Variants in SSH2 observed in about 807,000 individuals in gnomAD.
SSH2 encodes slingshot protein phosphatase 2.
SSH2 carries 37 observed loss-of-function variants against 135.2 expected under a neutral mutation model. The observed-to-expected ratio is 0.27, with a 90% CI of 0.21 to 0.36. The LOEUF (loss-of-function observed/expected upper bound fraction) is 0.36. Among genes scored for constraint, SSH2 ranks in the 10% least tolerant of loss-of-function variants. The probability of loss-of-function intolerance (pLI) is 1.00; values close to 1 mark genes in which losing one functional copy is unlikely to be tolerated. For missense variants in SSH2, 1,408 were observed against 1,765.3 expected (o/e 0.80, Z 3.63); for synonymous variants, 628 against 646.2 (o/e 0.97, Z 0.43).
At chr17:29,915,443 T>A (rs1471424333) in intron 1 of SSH2, among the ~76,000 whole-genome samples, 1 of 152,196 alleles carries the variant, frequency 6.6e-6, no homozygotes, top group African/African-American at 2.4e-5. Context: ...TGTCTTTGGA[T>A]CTCCATATTT....
At chr17:29,924,366 A>C (rs1462321128) in intron 1 of SSH2, among the ~76,000 whole-genome samples, 1 of 152,222 alleles carries the variant, frequency 6.6e-6, no homozygotes, top group Non-Finnish European at 1.5e-5. Context: ...GTATATGTAA[A>C]TTGATTTACC....
intron 1 of SSH2, among the ~76,000 whole-genome samples, chr17:29,900,579 A>T (rs1428759720): frequency 6.6e-6 from 1 of 152,238 alleles, no homozygotes; most frequent in Non-Finnish European, 1.5e-5. Flanking sequence ...CCACAATGAG[A>T]TACCATCTCA....
At chr17:29,761,871 G>GTATA (rs1194445461) in intron 3 of SSH2, among the ~76,000 whole-genome samples, 2 of 98,738 alleles carry the variant, frequency 2.0e-5, no homozygotes, top group African/African-American at 8.7e-5. Context: ...GTGTGTGTGT[G>GTATA]TATATATATA....
chr17:29,770,076 A>C (rs2041536337), intron 3 of SSH2, among the ~76,000 whole-genome samples: 1 of 137,366 alleles, frequency 7.3e-6, no homozygotes. Flanking sequence ...TTCAAAACAA[A>C]TTTTTGCTAT....
In SSH2 at chr17:29,641,819, G is replaced by C. The variant is rs890248935; in HGVS notation, c.1428-5017C>G. 4 of 152,052 alleles carry C rather than the reference G, an allele frequency of 2.6e-5. No homozygotes were observed. In the East Asian group the frequency reaches 7.7e-4, roughly 29 times the overall value. 9.4% of individuals were successfully genotyped at this position (152,052 alleles called of 1,614,324 possible). On this transcript the variant is annotated intron_variant, in intron 14 of 15. Coordinates refer to ENST00000540801, the MANE Select transcript of SSH2 (RefSeq NM_001282129.2). ...TCTGAGAAAGTTATATAAAGGAAAAGGCTGCTAAAAATGGAGTACTTGCGC... is the reference window on the plus strand; with the variant it reads ...TCTGAGAAAGTTATATAAAGGAAAACGCTGCTAAAAATGGAGTACTTGCGC...
At chr17:29,728,876 C>T (rs2040088323) in intron 3 of SSH2, among the ~76,000 whole-genome samples, 2 of 152,130 alleles carry the variant, frequency 1.3e-5, no homozygotes, top group Non-Finnish European at 1.5e-5. Context: ...CTCCATCTCT[C>T]GCCATATACA....
chr17:29,731,417 TTTTATTTATTTA>T (rs142032070), intron 3 of SSH2, among the ~76,000 whole-genome samples: 5,087 of 119,620 alleles, frequency 0.043, 198 homozygotes, highest in African/African-American at 0.11. Context: ...CAGAAGTATT[TTTTATTTATTTA>T]TTTATTTATT....
At chr17:29,915,247 A>G (rs1417422853) in intron 1 of SSH2, among the ~76,000 whole-genome samples, 3 of 152,216 alleles carry the variant, frequency 2.0e-5, no homozygotes, top group African/African-American at 7.2e-5. Context: ...GAGTTCATTC[A>G]CATGTTCTCC....
At chr17:29,734,814 TAAG>T (rs1308772022) in intron 3 of SSH2, among the ~76,000 whole-genome samples, 4 of 152,326 alleles carry the variant, frequency 2.6e-5, no homozygotes, top group Admixed American at 2.0e-4. Context: ...CTAAGATTAT[TAAG>T]AAGGAGAGGG....
chr17:29,810,366 AATC>A (rs1326345765), intron 2 of SSH2, among the ~76,000 whole-genome samples: 1 of 152,238 alleles, frequency 6.6e-6, no homozygotes, highest in African/African-American at 2.4e-5. Context: ...TTAGGGAACT[AATC>A]ATCATCATCT....
intron 11 of SSH2, among the ~76,000 whole-genome samples, chr17:29,660,201 T>C (rs1021603089): frequency 6.6e-6 from 1 of 152,090 alleles, no homozygotes; most frequent in African/African-American, 2.4e-5. Flanking sequence ...ATTAGAAGAC[T>C]TAGGTTCAAG....
intron 1 of SSH2, among the ~76,000 whole-genome samples, chr17:29,917,088 G>A (rs116385252): frequency 1.2e-3 from 186 of 151,772 alleles, no homozygotes; most frequent in African/African-American, 4.3e-3. Flanking sequence ...ACAGAGGTGG[G>A]AGAGCAAAGA....
intron 1 of SSH2, among the ~76,000 whole-genome samples, chr17:29,900,925 T>C (rs1362370568): frequency 1.3e-5 from 2 of 152,154 alleles, no homozygotes; most frequent in Non-Finnish European, 2.9e-5. Context: ...GTGGCATATA[T>C]ACACCATGGA....
In SSH2 at chr17:29,636,282, G is replaced by T. The variant is rs1044509972; in HGVS notation, c.1948C>A (p.Pro650Thr). 3.7e-6 allele frequency: 6 copies of T among 1,613,902 alleles called. No individual in the cohort carries two copies. In the East Asian group the frequency reaches 8.9e-5, roughly 24 times the overall value. Residue 650 changes from proline (P) to threonine (T), a missense_variant, in exon 15 of 16, where the codon CCC becomes ACC. By Grantham distance (38) the Pro-to-Thr change is conservative (BLOSUM62 -1). This residue lies in a region of SSH2 where 1,080 missense variants were observed against 1,144.5 expected (regional missense o/e 0.94). Transcript: ENST00000540801. Reference protein sequence around the residue: ...MEELTSPLKDPPMSPDPESPS... With the variant: ...MEELTSPLKDTPMSPDPESPS... ...GACTCAGGATCAGGGGACATGGGGGGGTCTTTCAGTGGAGATGTCAATTCT... is the reference window on the plus strand; with the variant it reads ...GACTCAGGATCAGGGGACATGGGGGTGTCTTTCAGTGGAGATGTCAATTCT...
At chr17:29,640,600 A>G (rs2036117198) in intron 14 of SSH2, 1 of 149,046 alleles carries the variant, frequency 6.7e-6, no homozygotes, top group Admixed American at 6.7e-5. Flanking sequence ...AAAGAGAGAG[A>G]AAAAAAAAAC....
At chr17:29,655,475 C>A (rs2036745277) in intron 12 of SSH2, 86 bp downstream of exon 12, 2 of 1,193,140 alleles carry the variant, frequency 1.7e-6, no homozygotes, top group South Asian at 1.2e-5. Context: ...TTAAAGTTAC[C>A]CACTGATACC....
intron 14 of SSH2, among the ~76,000 whole-genome samples, chr17:29,641,202 C>A (rs1414796756): frequency 6.6e-6 from 1 of 152,190 alleles, no homozygotes; most frequent in Non-Finnish European, 1.5e-5. Context: ...TGAGCCACCA[C>A]GCCTGGCCTC....
chr17:29,755,352 A>G (rs2041080293), intron 3 of SSH2, among the ~76,000 whole-genome samples: 1 of 152,192 alleles, frequency 6.6e-6, no homozygotes, highest in African/African-American at 2.4e-5. Context: ...TATTTCTGGA[A>G]TGATTTTGAT....
intron 1 of SSH2, among the ~76,000 whole-genome samples, chr17:29,890,644 G>A (rs1011376593): frequency 5.3e-5 from 8 of 152,182 alleles, no homozygotes; most frequent in Non-Finnish European, 1.5e-5. Flanking sequence ...GTGGGATAGA[G>A]TGGTCATAGA....
Sources: allele counts gnomAD v4.1 joint callset (sites outside exome capture counted in the v4.1 genomes callset), GRCh38; gene constraint gnomAD v4.1.1; regional missense constraint gnomAD v4.1.1; transcripts MANE v1.5; gene names NCBI Gene and HGNC (gene_info 2026-07-23, HGNC 2026-07-21).